Variants in PTK6 observed in about 807,000 individuals in gnomAD.
The protein encoded by PTK6 is protein-tyrosine kinase 6.
PTK6 carries 47 observed loss-of-function variants against 47.5 expected under a neutral mutation model. The observed-to-expected ratio is 0.99, with a 90% confidence interval of 0.78 to 1.26. The LOEUF (loss-of-function observed/expected upper bound fraction) is 1.26. Ranked by LOEUF, PTK6 falls within the 50% of genes most tolerant of loss-of-function variation. The pLI, the probability that PTK6 is intolerant of heterozygous loss-of-function variation, is 0.00. For missense variants in PTK6, 618 were observed against 625.3 expected, an observed-to-expected ratio of 0.99 and a Z score of 0.12; for synonymous variants, 287 against 276.5, an observed-to-expected ratio of 1.04 and a Z score of -0.38.
chr20:63,530,249 C>T lies in PTK6; in HGVS notation c.1015-18G>A. The T allele has an allele frequency of 6.2e-7, 1 of 1,611,870 alleles. No homozygotes were observed. The highest frequency in any genetic ancestry group is 8.5e-7 in the Non-Finnish European group (1 of 1,178,450). ...ACGTCCTCCTGCAATCAGCCTGGAG[C>T]TGAGTGGGCCGTGGGGGCTGCCTGT... On this transcript the variant is annotated intron_variant, in intron 6 of 7. Coordinates refer to ENST00000542869, the MANE Select transcript of PTK6 (RefSeq NM_005975.4). This position sits in a 1 kb window ranked among gnomAD's most constrained non-coding sequence, Gnocchi z 4.1.
chr20:63,529,999 C>A lies in PTK6; in HGVS notation c.1168+79G>T. On this transcript the variant is annotated intron_variant, in intron 7 of 7. Transcript: ENST00000542869. This position sits in a 1 kb window ranked among gnomAD's most constrained non-coding sequence, Gnocchi z 5.6. ...GCCCTGAAGCCCGTGGGGGAGGCAC[C>A]CCCCAGCGTCCCTGCCGGCTACCCA... The A allele has an allele frequency of 5.9e-6, 9 of 1,534,376 alleles. No individual in the cohort carries two copies. The highest frequency in any genetic ancestry group is 2.3e-5 in the South Asian group (2 of 87,448).
At chr20:63,535,181 C>T (rs1600937858) in intron 1 of PTK6, 122 bp from the exon 2 acceptor site, 1 of 1,332,204 alleles carries the variant, frequency 7.5e-7, no homozygotes. Flanking sequence ...GCTCCCAGCC[C>T]TGACCACAGC....
Position 63,533,848 on chromosome 20 carries a change from G to C in PTK6, c.517-144C>G, listed in dbSNP as rs543195910. 4.2e-5 allele frequency: 52 copies of C among 1,230,672 alleles called. No individual in the cohort carries two copies. In the East Asian group the frequency reaches 1.3e-3, roughly 30 times the overall value. The allele number at this position is 1,230,672 out of a possible 1,614,324, so 76.2% of individuals were successfully genotyped here. ...GGGGTTTCTGAGTGTCTGACACAAGGGTGGACTCTCCTGGGGGCTGCCCCC... is the reference window on the plus strand; with the variant it reads ...GGGGTTTCTGAGTGTCTGACACAAGCGTGGACTCTCCTGGGGGCTGCCCCC... On this transcript the variant is annotated intron_variant, in intron 3 of 7. Transcript: ENST00000542869. The surrounding 1 kb of genome is among the most constrained non-coding windows in gnomAD (Gnocchi z 4.0).
In PTK6 at chr20:63,530,411, A is replaced by G. The variant is rs766311364; in HGVS notation, c.1015-180T>C. On this transcript the variant is annotated intron_variant, in intron 6 of 7. Coordinates refer to ENST00000542869, the MANE Select transcript of PTK6 (RefSeq NM_005975.4). The surrounding 1 kb of genome is among the most constrained non-coding windows in gnomAD (Gnocchi z 4.1). ...GGGCCTGACCACCTTCAGGAGCCCA[A>G]CTTCCCCTGGGATTGCAGGTGTGTG... 6.6e-6 allele frequency among the ~76,000 whole-genome samples: 1 copy of G among 152,176 alleles called. No individual in the cohort carries two copies. The highest frequency in any genetic ancestry group is 1.5e-5 in the Non-Finnish European group (1 of 68,004).
rs199594916 is a variant in PTK6, at chr20:63,530,035, C to T, written c.1168+43G>A. 1.4e-5 allele frequency: 22 copies of T among 1,607,530 alleles called. No individual in the cohort carries two copies. Among genetic ancestry groups the T allele is most frequent in the Non-Finnish European group, 1.8e-5 (21 of 1,176,384 alleles). On this transcript the variant is annotated intron_variant, in intron 7 of 7. Coordinates refer to ENST00000542869, the MANE Select transcript of PTK6 (RefSeq NM_005975.4). The surrounding 1 kb of genome is among the most constrained non-coding windows in gnomAD (Gnocchi z 4.1). ...CCTGCCGGCTACCCAGGACCTCCCC[C>T]ACTCTGCCTCTCATGCCCAGTCAGG...
chr20:63,536,756 A>G (rs1600940202), intron 1 of PTK6, among the ~76,000 whole-genome samples: 1 of 152,216 alleles, frequency 6.6e-6, no homozygotes. Flanking sequence ...GGGCCCCAGA[A>G]GTCCACCCTG....
rs61736385 is a variant in PTK6 at position 63,529,543 on chromosome 20, G to A, written c.1349C>T (p.Pro450Leu). 342 of 1,568,608 alleles carry A rather than the reference G, an allele frequency of 2.2e-4. No individual in the cohort carries two copies. Among genetic ancestry groups the A allele is most frequent in the African/African-American group, 1.0e-3 (76 of 73,904 alleles). The stretch of plus-strand genomic sequence containing the variant: ...TGCCCGCTCCACAGCAGCTCAGGTC[G>A]GGTTCTCGTAGCTGGTGAAGCTGGA... ...RLSSFTSYEN[P>L]T is the part of the protein sequence containing the mutation. Residue 450 changes from proline to leucine, a missense_variant, in exon 8 of 8, where the codon CCG becomes CTG. Physicochemically the swap from Pro to Leu is moderately conservative, Grantham distance 98. Coordinates refer to ENST00000542869, the MANE Select transcript of PTK6 (RefSeq NM_005975.4). The surrounding 1 kb of genome is among the most constrained non-coding windows in gnomAD (Gnocchi z 5.6).
intron 4 of PTK6, 82 bp from the exon 5 acceptor site, chr20:63,532,769 A>C: frequency 2.0e-6 from 3 of 1,519,434 alleles, no homozygotes; most frequent in South Asian, 2.4e-5. Context: ...GCCCCCACAC[A>C]CAGCAGCCAT....
Position 63,533,224 on chromosome 20 carries a change from C to G in PTK6, c.670+327G>C, listed in dbSNP as rs1462349044. ...CTGGGACTACAGGCACATGCCTCCACACTCGGCTAATTTTTGTATTTTTAG... is the reference window on the plus strand; with the variant it reads ...CTGGGACTACAGGCACATGCCTCCAGACTCGGCTAATTTTTGTATTTTTAG... On this transcript the variant is annotated intron_variant, in intron 4 of 7. Transcript: ENST00000542869. The surrounding 1 kb of genome is among the most constrained non-coding windows in gnomAD (Gnocchi z 4.0). 2.0e-5 allele frequency among the ~76,000 whole-genome samples: 3 copies of G among 152,102 alleles called. No individual in the cohort carries two copies.
chr20:63,532,147 GGA>G (rs2082626402), intron 5 of PTK6, among the ~76,000 whole-genome samples: 1 of 149,436 alleles, frequency 6.7e-6, no homozygotes, highest in African/African-American at 2.6e-5. Flanking sequence ...GTGTGTGTCT[GGA>G]TCAGTGTGTG....
At chr20:63,531,563 C>T (rs1386351763) in intron 5 of PTK6, among the ~76,000 whole-genome samples, 3 of 148,124 alleles carry the variant, frequency 2.0e-5, no homozygotes, top group African/African-American at 5.0e-5. Context: ...TACAGTGAGC[C>T]GAGACTGCGC....
At position 63,529,517 on chromosome 20, in the gene PTK6, A is replaced by G; in HGVS notation, c.*19T>C. On this transcript the variant is annotated 3_prime_UTR_variant, in exon 8 of 8. Transcript: ENST00000542869. The surrounding 1 kb of genome is among the most constrained non-coding windows in gnomAD (Gnocchi z 5.6). ...GGCCCCTCCTCAGCAGGGCCCGGCC[A>G]TGCCCGCTCCACAGCAGCTCAGGTC... 1 of 1,541,632 alleles carries G rather than the reference A, an allele frequency of 6.5e-7. No homozygotes were observed. Among genetic ancestry groups the G allele is most frequent in the African/African-American group, 1.4e-5 (1 of 72,900 alleles).
chr20:63,532,797 C>T, intron 4 of PTK6, 110 bp from the exon 5 acceptor site: 1 of 1,375,296 alleles, frequency 7.3e-7, no homozygotes, highest in Non-Finnish European at 9.7e-7. Context: ...AGCAGCTGTG[C>T]AGGACACACA....
In PTK6 at chr20:63,530,112, A is replaced by G. The variant is rs1408279245; in HGVS notation, c.1134T>C (p.His378=). 6.2e-7 allele frequency: 1 copy of G among 1,610,354 alleles called. No individual in the cohort carries two copies. The highest frequency in any genetic ancestry group is 2.2e-5 in the East Asian group (1 of 44,794). ...GCACCTGACCCCTGCTGAACATCTC[A>G]TGCAGGAGAATCCCAAAGGACCAGA... The part of the protein sequence containing the change: ...SDVWSFGILL[H]EMFSRGQVPY... Residue 378 remains histidine (H), a synonymous_variant, in exon 7 of 8, where the codon CAT becomes CAC. Transcript: ENST00000542869. The surrounding 1 kb of genome is among the most constrained non-coding windows in gnomAD (Gnocchi z 4.1).
chr20:63,531,437 A>AAATAT (rs1311835682), intron 5 of PTK6, among the ~76,000 whole-genome samples: 30 of 94,914 alleles, frequency 3.2e-4, no homozygotes, highest in Non-Finnish European at 4.3e-4. Flanking sequence ...AAAAAAAAAA[A>AAATAT]ATATATATAT....
At position 63,529,976 on chromosome 20, in the gene PTK6, C is replaced by A. The variant is rs2082604825; in HGVS notation, c.1168+102G>T. On this transcript the variant is annotated intron_variant, in intron 7 of 7. Transcript: ENST00000542869. The surrounding 1 kb of genome is among the most constrained non-coding windows in gnomAD (Gnocchi z 5.6). ...GTTCAGGCGATGGCCCGCGGAGGGC[C>A]CTGAAGCCCGTGGGGGAGGCACCCC... The A allele has an allele frequency of 7.0e-7, 1 of 1,435,932 alleles. No homozygotes were observed. The highest frequency in any genetic ancestry group is 1.9e-5 in the Admixed American group (1 of 52,540). The allele number at this position is 1,435,932 out of a possible 1,614,324, so 88.9% of individuals were successfully genotyped here.
intron 3 of PTK6, 111 bp downstream of exon 3, chr20:63,534,041 A>G: frequency 7.4e-7 from 1 of 1,346,518 alleles, no homozygotes; most frequent in South Asian, 1.5e-5. Context: ...GCCCCAGGTC[A>G]GTGAGTCAGG....
chr20:63,537,171 C>T lies in PTK6; in HGVS notation c.144G>A (p.Thr48=), dbSNP rs752777918. 45 of 1,612,212 alleles carry T rather than the reference C, an allele frequency of 2.8e-5. No individual in the cohort carries two copies. Among genetic ancestry groups the T allele is most frequent in the Middle Eastern group, 1.6e-4 (1 of 6,080 alleles). Residue 48 remains threonine, a synonymous_variant, in exon 1 of 8, where the codon ACG becomes ACA. Transcript: ENST00000542869. ...ARKEEQWWWA[T]LLDEAGGAVA... is the part of the protein sequence containing the mutation. The stretch of plus-strand genomic sequence containing the variant: ...CGGCCCCACCCGCCTCGTCCAGCAG[C>T]GTGGCCCACCACCACTGCTCCTCCT...
intron 1 of PTK6, 39 bp from the exon 2 acceptor site, chr20:63,535,098 C>T (rs767289376): frequency 1.9e-6 from 3 of 1,559,494 alleles, no homozygotes; most frequent in African/African-American, 2.7e-5. Context: ...GACCTGGGCC[C>T]ACCCCACGTG....
Sources: gnomAD v4.1 joint callset for allele counts (sites outside exome capture counted in the v4.1 genomes callset) on GRCh38, gnomAD v4.1.1 for gene constraint, Gnocchi (gnomAD v3.1) non-coding constraint, MANE v1.5 for transcripts, NCBI Gene and HGNC (gene_info 2026-07-23, HGNC 2026-07-21) for gene names.